The following RBM6 variants were observed in gnomAD, a reference collection of about 807,000 sequenced individuals.
The protein encoded by RBM6 is RNA-binding protein 6.
A neutral mutation model predicts 140.4 loss-of-function variants in RBM6; 23 were observed. That is an observed-to-expected ratio of 0.16 (90% CI 0.12 to 0.23). RBM6 has a LOEUF of 0.23. Among genes scored for constraint, RBM6 ranks in the 10% least tolerant of loss-of-function variants. The probability of loss-of-function intolerance (pLI) is 1.00; values close to 1 mark genes in which losing one functional copy is unlikely to be tolerated. For synonymous variants in RBM6, 439 were observed against 475.6 expected (o/e 0.92, Z 1.00); for missense variants, 1,139 against 1,386.7 (o/e 0.82, Z 2.84).
Position 50,077,236 on chromosome 3 carries a change from T to G in RBM6, c.*103T>G. 1 of 1,283,010 alleles carries G rather than the reference T, an allele frequency of 7.8e-7. No homozygotes were observed. The highest frequency in any genetic ancestry group is 1.6e-5 in the South Asian group (1 of 61,300). 79.5% of individuals were successfully genotyped at this position (1,283,010 alleles called of 1,614,324 possible). ...CTGCTAGAACTTTTTTAAATAAACTTTTTTTCAATGTGATTATCTTTTTGT... is the reference window on the plus strand; with the variant it reads ...CTGCTAGAACTTTTTTAAATAAACTGTTTTTCAATGTGATTATCTTTTTGT... On this transcript the variant is annotated 3_prime_UTR_variant, in exon 21 of 21. Transcript: ENST00000266022.
At chr3:49,952,625 G>A (rs963395735) in intron 1 of RBM6, among the ~76,000 whole-genome samples, 7 of 150,552 alleles carry the variant, frequency 4.6e-5, no homozygotes, top group South Asian at 2.1e-4. Context: ...TCAGCCTCCC[G>A]AGTAGCTGGG....
chr3:50,062,026 C>T lies in RBM6; in HGVS notation c.2504C>T (p.Pro835Leu). ...PEEEEIKEKKPTSQGKSSSKK... is the reference protein window; with the variant it reads ...PEEEEIKEKKLTSQGKSSSKK... ...GAAGAAGAGATCAAGGAAAAAAAAC[C>T]CACCAGTCAAGGAAAGTCAAGTAGC... The change falls in exon 15 of 21, where the codon CCC becomes CTC. Residue 835 changes from proline to leucine, a missense_variant. By Grantham distance (98) the Pro-to-Leu change is moderately conservative. Coordinates refer to ENST00000266022, the MANE Select transcript of RBM6 (RefSeq NM_005777.3). 6.2e-7 allele frequency: 1 copy of T among 1,613,768 alleles called. No individual in the cohort carries two copies. The highest frequency in any genetic ancestry group is 1.1e-5 in the South Asian group (1 of 91,044).
At chr3:49,974,434 C>T (rs1324226356) in intron 4 of RBM6, among the ~76,000 whole-genome samples, 1 of 143,454 alleles carries the variant, frequency 7.0e-6, no homozygotes, top group African/African-American at 2.6e-5. Flanking sequence ...TGCAGTGGTG[C>T]GATCTTGGCT....
In RBM6 at chr3:50,043,509, A is replaced by G. The variant is rs574273192; in HGVS notation, c.1558-4736A>G. Among the ~76,000 whole-genome samples, 192 of 149,628 alleles carry G rather than the reference A, an allele frequency of 1.3e-3. 3 individuals carry two copies. Among genetic ancestry groups the G allele is most frequent in the Admixed American group, 0.013 (191 of 15,040 alleles). ...TCTCAAAAAAAAAAAAGAGAGATCT[A>G]TCTCTCTTCTTTTTATATACATATA... On this transcript the variant is annotated intron_variant, in intron 6 of 20. Transcript: ENST00000266022.
At chr3:49,956,742 C>T (rs1027855417) in intron 1 of RBM6, among the ~76,000 whole-genome samples, 4 of 151,470 alleles carry the variant, frequency 2.6e-5, no homozygotes, top group African/African-American at 7.3e-5. Flanking sequence ...CTCAGCTCAC[C>T]GCAGCCTCCG....
intron 6 of RBM6, among the ~76,000 whole-genome samples, chr3:50,027,334 A>G (rs1009345879): frequency 2.6e-5 from 4 of 152,162 alleles, no homozygotes; most frequent in African/African-American, 9.7e-5. Context: ...TATTTGTTGT[A>G]ATTGAGGTAT....
At chr3:50,026,188 G>A (rs1559602066) in intron 6 of RBM6, among the ~76,000 whole-genome samples, 1 of 143,978 alleles carries the variant, frequency 6.9e-6, no homozygotes, top group Non-Finnish European at 1.5e-5. Context: ...GGGTTCAAGC[G>A]ATTCTTCTAC....
intron 10 of RBM6, among the ~76,000 whole-genome samples, chr3:50,059,098 G>A (rs1356467292): frequency 3.3e-5 from 5 of 152,124 alleles, no homozygotes; most frequent in East Asian, 1.9e-4. Context: ...GTCATTTACT[G>A]TTTCCAACTT....
chr3:50,011,991 A>T (rs906354939), intron 6 of RBM6, among the ~76,000 whole-genome samples: 2 of 151,958 alleles, frequency 1.3e-5, no homozygotes, highest in South Asian at 4.2e-4. Flanking sequence ...AGCTGGAACT[A>T]TAAGTTGGAA....
chr3:49,945,564 T>A (rs2083451314), intron 1 of RBM6, among the ~76,000 whole-genome samples: 1 of 152,044 alleles, frequency 6.6e-6, no homozygotes, highest in South Asian at 2.1e-4. Context: ...ATAGGACCTT[T>A]ACAGAGAAAT....
At position 50,058,490 on chromosome 3, in the gene RBM6, C is replaced by T. The variant is rs769916882; in HGVS notation, c.2058C>T (p.Asn686=). Residue 686 remains asparagine, a synonymous_variant, in exon 10 of 21, where the codon AAC becomes AAT. Transcript: ENST00000266022. ...LEPYVRLTTA[N]VRIIKNRTGP... is the part of the protein sequence containing the mutation. ...CCTATGTCCGCCTTACTACTGCCAA[C>T]GTCCGTATCATCAAGAACAGAACAG... 1.6e-5 allele frequency: 26 copies of T among 1,607,168 alleles called. No individual in the cohort carries two copies. Among genetic ancestry groups the T allele is most frequent in the South Asian group, 4.4e-5 (4 of 90,938 alleles).
At chr3:50,048,121 G>A in intron 6 of RBM6, 124 bp from the exon 7 acceptor site, 6 of 1,468,336 alleles carry the variant, frequency 4.1e-6, no homozygotes, top group Non-Finnish European at 5.4e-6. Context: ...CCTTTCACCA[G>A]TGAATTAAGC....
At chr3:49,954,945 G>C (rs1031838332) in intron 1 of RBM6, among the ~76,000 whole-genome samples, 5 of 151,808 alleles carry the variant, frequency 3.3e-5, no homozygotes, top group Non-Finnish European at 7.4e-5. Context: ...ATTTTAAGTA[G>C]AGACAGGGTT....
intron 5 of RBM6, among the ~76,000 whole-genome samples, chr3:49,987,826 A>G (rs766859563): frequency 6.6e-6 from 1 of 151,908 alleles, no homozygotes; most frequent in Non-Finnish European, 1.5e-5. Flanking sequence ...TTTTGTAGAG[A>G]TGGGGTTTTG....
intron 5 of RBM6, among the ~76,000 whole-genome samples, chr3:49,988,271 A>G (rs2085656930): frequency 6.6e-6 from 1 of 152,104 alleles, no homozygotes; most frequent in South Asian, 2.1e-4. Flanking sequence ...CAGCCTCCCA[A>G]GTAGCTGGGA....
intron 5 of RBM6, among the ~76,000 whole-genome samples, chr3:49,978,146 G>GC (rs2085142726): frequency 6.6e-6 from 1 of 152,058 alleles, no homozygotes; most frequent in South Asian, 2.1e-4. Flanking sequence ...GACTACAGGT[G>GC]CGTACCACCA....
At position 50,065,112 on chromosome 3, in the gene RBM6, G is replaced by A. The variant is rs779393872; in HGVS notation, c.2668G>A (p.Glu890Lys). The change falls in exon 16 of 21, where the codon GAG becomes AAG. Residue 890 changes from glutamate to lysine, a missense_variant. Transcript: ENST00000266022. ...KPLPPTVKKE[E>K]SPPPPKVVNP... ...CCTGCCTCCTACTGTGAAGAAGGAA[G>A]AGAGTCCCCCTCCAGTAAGACCAAC... 1 of 1,612,216 alleles carries A rather than the reference G, an allele frequency of 6.2e-7. No individual in the cohort carries two copies. The highest frequency in any genetic ancestry group is 2.2e-5 in the East Asian group (1 of 44,822).
At chr3:49,977,081 A>G (rs2085095938) in intron 5 of RBM6, among the ~76,000 whole-genome samples, 1 of 152,038 alleles carries the variant, frequency 6.6e-6, no homozygotes, top group East Asian at 1.9e-4. Flanking sequence ...CATGTCTAAA[A>G]CCCTCTTAGG....
intron 5 of RBM6, among the ~76,000 whole-genome samples, chr3:49,990,383 C>T (rs905882116): frequency 2.6e-5 from 4 of 152,082 alleles, no homozygotes; most frequent in African/African-American, 7.2e-5. Context: ...ATGCATTGTG[C>T]CACCAAATCA....
Sources: gnomAD v4.1 joint callset for allele counts (sites outside exome capture counted in the v4.1 genomes callset) on GRCh38, gnomAD v4.1.1 for gene constraint, MANE v1.5 for transcripts, NCBI Gene and HGNC (gene_info 2026-07-23, HGNC 2026-07-21) for gene names.